Variants in METTL21A observed in about 807,000 individuals in gnomAD.
The protein encoded by METTL21A is methyltransferase 21A, HSPA lysine.
Under a neutral mutation model 20.9 loss-of-function variants are expected in METTL21A, and 22 were observed. The observed-to-expected ratio is 1.05, with a 90% CI of 0.75 to 1.50. METTL21A has a LOEUF of 1.50. METTL21A is among the 40% of genes most tolerant of loss of function. METTL21A has a pLI of 0.00. For synonymous variants in METTL21A, 93 were observed against 102.0 expected, an observed-to-expected ratio of 0.91 and a Z score of 0.53; for missense variants, 271 against 266.8, an observed-to-expected ratio of 1.02 and a Z score of -0.11.
chr2:207,594,991 C>CT (rs751274446), intron 3 of METTL21A, among the ~76,000 whole-genome samples: 5,515 of 118,830 alleles, frequency 0.046, 239 homozygotes, highest in Non-Finnish European at 0.065. Flanking sequence ...TGTTGAGCAT[C>CT]TTTTTTTTTT....
At chr2:207,595,772 T>A (rs946560364) in intron 3 of METTL21A, among the ~76,000 whole-genome samples, 10 of 152,110 alleles carry the variant, frequency 6.6e-5, no homozygotes, top group Admixed American at 6.5e-4. Flanking sequence ...TCTTAATATA[T>A]TGCCCAGGCT....
chr2:207,608,010 T>A (rs187197106), downstream of METTL21A, among the ~76,000 whole-genome samples: 696 of 152,188 alleles, frequency 4.6e-3, 4 homozygotes, highest in Non-Finnish European at 6.5e-3. Context: ...AACACTCATT[T>A]CCCCAGCTTC....
chr2:207,589,825 A>G (rs1192893982), intron 3 of METTL21A, among the ~76,000 whole-genome samples: 2 of 152,176 alleles, frequency 1.3e-5, no homozygotes, highest in Non-Finnish European at 2.9e-5. Context: ...ATGAAGTATC[A>G]TTTATACATT....
chr2:207,623,416 G>A (rs944043272), intron 2 of METTL21A, among the ~76,000 whole-genome samples: 1 of 152,182 alleles, frequency 6.6e-6, no homozygotes, highest in South Asian at 2.1e-4. Flanking sequence ...TAGATGCTGA[G>A]GGCTCAAGTC....
downstream of METTL21A, among the ~76,000 whole-genome samples, chr2:207,608,420 T>C (rs1441024600): frequency 5.9e-3 from 25 of 4,258 alleles, no homozygotes; most frequent in Admixed American, 0.072. Flanking sequence ...TTCTGATGAT[T>C]TTTTTTTTTC....
At position 207,590,083 on chromosome 2, in the gene METTL21A, GTT is replaced by G. The variant is rs59126515; in HGVS notation, c.260-7925_260-7924del. 7.9e-5 allele frequency among the ~76,000 whole-genome samples: 6 copies of G among 76,152 alleles called. No individual in the cohort carries two copies. The South Asian group carries it at 2.3e-3, about 29-fold the overall frequency. The allele number at this position is 76,152 out of a possible 152,430, so 50.0% of individuals were successfully genotyped here. A position where few individuals can be genotyped will look rare whatever the true frequency, so the allele number is the denominator to read the frequency against. ...GGCCTGGAGTTTTCTATTTTGAGAA[GTT>G]TTTTTTTTTTTTTTTTTTTTTTAAT... On this transcript the variant is annotated intron_variant, in intron 3 of 3. Transcript: ENST00000425132.
chr2:207,607,082 T>C (rs1182852204), downstream of METTL21A, among the ~76,000 whole-genome samples: 1 of 152,100 alleles, frequency 6.6e-6, no homozygotes, highest in African/African-American at 2.4e-5. Context: ...GGGTACCATG[T>C]TACCACTTGA....
At chr2:207,607,561 A>G (rs568993840), downstream of METTL21A, among the ~76,000 whole-genome samples, 21 of 150,894 alleles carry the variant, frequency 1.4e-4, no homozygotes, top group South Asian at 4.0e-3. Flanking sequence ...CATTTTGATC[A>G]ACTACTATTT....
In METTL21A at chr2:207,594,198, AT is replaced by A. The variant is rs919272032; in HGVS notation, c.260-12039del. On this transcript the variant is annotated intron_variant, in intron 3 of 3. Transcript: ENST00000425132. ...TTTAATTATTTTTAATCTGTGTTAG[AT>A]TTTTTTAAATAATTTCATTTTTAAT... Among the ~76,000 whole-genome samples, 17 of 152,246 alleles carry A rather than the reference AT, an allele frequency of 1.1e-4. 3 individuals carry two copies. In the East Asian group the frequency reaches 2.9e-3, roughly 26 times the overall value.
chr2:207,606,880 T>C (rs1478398489), downstream of METTL21A, among the ~76,000 whole-genome samples: 3 of 152,200 alleles, frequency 2.0e-5, no homozygotes, highest in Non-Finnish European at 2.9e-5. Flanking sequence ...GGTATTATTA[T>C]TGGAGGTGAA....
intron 3 of METTL21A, among the ~76,000 whole-genome samples, chr2:207,586,117 A>C (rs2083789046): frequency 6.6e-6 from 1 of 152,220 alleles, no homozygotes; most frequent in Non-Finnish European, 1.5e-5. Context: ...TGGAACCAAA[A>C]ACAGCCCAAA....
intron 3 of METTL21A, among the ~76,000 whole-genome samples, chr2:207,603,863 T>C (rs1203154185): frequency 6.6e-6 from 1 of 152,190 alleles, no homozygotes; most frequent in Admixed American, 6.5e-5. Context: ...AAAAAAGTTA[T>C]CTCCTATACT....
intron 3 of METTL21A, among the ~76,000 whole-genome samples, chr2:207,589,663 A>G (rs374956308): frequency 1.3e-5 from 2 of 152,250 alleles, no homozygotes; most frequent in South Asian, 2.1e-4. Context: ...AGTTTTCATC[A>G]TAAATTGTTG....
At chr2:207,625,117 C>A in intron 1 of METTL21A, 1 of 152,428 alleles carries the variant, frequency 6.6e-6, no homozygotes, top group Non-Finnish European at 1.5e-5. Flanking sequence ...GGAGCTGCGG[C>A]AACCCTCCAG....
At chr2:207,594,553 C>T (rs1287364588) in intron 3 of METTL21A, among the ~76,000 whole-genome samples, 2 of 152,144 alleles carry the variant, frequency 1.3e-5, no homozygotes, top group African/African-American at 4.8e-5. Flanking sequence ...AGAGGGCCTT[C>T]CTAAGGCTGA....
exon 4 of METTL21A, chr2:207,613,248 A>G (rs757230907): frequency 1.2e-6 from 2 of 1,613,066 alleles, no homozygotes; most frequent in East Asian, 4.5e-5. Context: ...AAGATCTGTG[A>G]ATGTTTCTTC....
chr2:207,588,199 C>T (rs1263699514), intron 3 of METTL21A, among the ~76,000 whole-genome samples: 2 of 152,104 alleles, frequency 1.3e-5, no homozygotes, highest in East Asian at 1.9e-4. Context: ...CTATAATTCC[C>T]TCCTGAGTTT....
chr2:207,602,084 TATG>T (rs1279046218), intron 3 of METTL21A: 51 of 205,434 alleles, frequency 2.5e-4, no homozygotes, highest in South Asian at 1.1e-3. Context: ...CTCATCTGCT[TATG>T]ATAAGTTCTT....
intron 3 of METTL21A, among the ~76,000 whole-genome samples, chr2:207,590,455 T>C (rs2084814264): frequency 6.6e-6 from 1 of 152,066 alleles, no homozygotes; most frequent in Admixed American, 6.5e-5. Flanking sequence ...TTGTATTGAT[T>C]TGTACTCTGA....
Sources: gnomAD v4.1 joint callset for allele counts (sites outside exome capture counted in the v4.1 genomes callset) on GRCh38, gnomAD v4.1.1 for gene constraint, MANE v1.5 for transcripts, NCBI Gene and HGNC (gene_info 2026-07-23, HGNC 2026-07-21) for gene names.